Variants in SEMA3D observed in about 807,000 individuals in gnomAD.
SEMA3D encodes the protein semaphorin 3D, also known as semaphorin-3D.
SEMA3D carries 84 observed loss-of-function variants against 100.1 expected under a neutral mutation model. The observed-to-expected ratio is 0.84, with a 90% CI of 0.70 to 1.01. SEMA3D has a LOEUF of 1.01. Ranked by LOEUF, SEMA3D falls within the 50% of genes least tolerant of loss-of-function variation. The pLI is 0.00. For synonymous variants in SEMA3D, 312 were observed against 320.7 expected, an observed-to-expected ratio of 0.97 and a Z score of 0.29; for missense variants, 875 against 934.1, an observed-to-expected ratio of 0.94 and a Z score of 0.82.
chr7:85,225,177 T>G, the SEMA3D span, among the ~76,000 whole-genome samples: 1 of 141,314 alleles, frequency 7.1e-6, no homozygotes, highest in Admixed American at 7.4e-5. Context: ...ATATATAAAA[T>G]ACATATATAA....
Position 85,144,358 on chromosome 7 carries a change from AAATT to A in SEMA3D, c.-41+9246_-41+9249del, listed in dbSNP as rs1313215023. On this transcript the variant is annotated intron_variant, in intron 2 of 18. Transcript: ENST00000284136. The stretch of plus-strand genomic sequence containing the variant: ...GAATCGAGTATCATTTATTAAATTT[AAATT>A]AATTAAATTAAATAACATAAAAGTT... 28 of 514,568 alleles carry A rather than the reference AAATT, an allele frequency of 5.4e-5. No homozygotes were observed. The African/African-American group carries it at 5.8e-4, about 11-fold the overall frequency. The allele number at this position is 514,568 out of a possible 1,614,324, so 31.9% of individuals were successfully genotyped here. A position where few individuals can be genotyped will look rare whatever the true frequency, so the allele number is the denominator to read the frequency against.
chr7:85,001,651 C>A (rs1277547246), intron 18 of SEMA3D, among the ~76,000 whole-genome samples: 2 of 152,116 alleles, frequency 1.3e-5, no homozygotes, highest in African/African-American at 4.8e-5. Context: ...TATGATGACT[C>A]ATTTTTCTTC....
At chr7:85,046,394 C>A (rs1791009115) in intron 9 of SEMA3D, among the ~76,000 whole-genome samples, 1 of 151,912 alleles carries the variant, frequency 6.6e-6, no homozygotes, top group Non-Finnish European at 1.5e-5. Context: ...TTTCTTTTAA[C>A]CTGACCAAAA....
the SEMA3D span, among the ~76,000 whole-genome samples, chr7:85,240,740 T>A: frequency 1.3e-5 from 2 of 152,178 alleles, no homozygotes; most frequent in Non-Finnish European, 2.9e-5. Context: ...TTTCAAGGAA[T>A]TGATTCATTT....
the SEMA3D span, among the ~76,000 whole-genome samples, chr7:85,225,102 ATATACATACAT>A: frequency 1.6e-4 from 4 of 24,508 alleles, no homozygotes; most frequent in African/African-American, 4.4e-4. Context: ...ATATATATAT[ATATACATACAT>A]ATATACATAT....
intron 8 of SEMA3D, among the ~76,000 whole-genome samples, chr7:85,057,033 G>A (rs905781456): frequency 1.3e-5 from 2 of 151,478 alleles, no homozygotes; most frequent in Non-Finnish European, 2.9e-5. Context: ...ATATACAGGG[G>A]TTAATAGAAA....
chr7:85,202,536 C>T, the SEMA3D span, among the ~76,000 whole-genome samples: 4 of 152,036 alleles, frequency 2.6e-5, no homozygotes, highest in Admixed American at 2.6e-4. Flanking sequence ...AAAGAAACTA[C>T]CATCAGAGTG....
At chr7:85,243,287 C>G in the SEMA3D span, among the ~76,000 whole-genome samples, 1 of 151,914 alleles carries the variant, frequency 6.6e-6, no homozygotes, top group Admixed American at 6.6e-5. Flanking sequence ...TTTTTTTTCT[C>G]TGTTATTCTC....
chr7:85,150,236 T>C (rs1790329616), intron 2 of SEMA3D, among the ~76,000 whole-genome samples: 1 of 150,948 alleles, frequency 6.6e-6, no homozygotes, highest in Non-Finnish European at 1.5e-5. Flanking sequence ...GTCAGAATTC[T>C]TGGTATTTGT....
At chr7:85,100,181 A>T (rs1320534587) in intron 3 of SEMA3D, among the ~76,000 whole-genome samples, 1 of 152,042 alleles carries the variant, frequency 6.6e-6, no homozygotes, top group Non-Finnish European at 1.5e-5. Context: ...TTGAAATTAA[A>T]TTAATGCAAA....
the SEMA3D span, among the ~76,000 whole-genome samples, chr7:85,236,969 T>C: frequency 5.1e-4 from 78 of 152,208 alleles, no homozygotes; most frequent in Non-Finnish European, 8.2e-4. Flanking sequence ...CAGAGATTTG[T>C]TGTATTTTTT....
rs376067481 is a variant in SEMA3D, at chr7:85,034,734, G to A, written c.1191+2155C>T. On this transcript the variant is annotated intron_variant, in intron 12 of 18. Coordinates refer to ENST00000284136, the MANE Select transcript of SEMA3D (RefSeq NM_001384900.1). ...GAAAATTATTCATCACTAATCAACA[G>A]AGAAGTTGAAAACAAAACCACAATC... is the stretch of plus-strand genomic sequence containing the variant. Among the ~76,000 whole-genome samples, 5 of 152,226 alleles carry A rather than the reference G, an allele frequency of 3.3e-5. No individual in the cohort carries two copies. In the South Asian group the frequency reaches 1.0e-3, roughly 32 times the overall value.
At chr7:85,139,864 G>T (rs1212817388) in intron 2 of SEMA3D, among the ~76,000 whole-genome samples, 1 of 151,162 alleles carries the variant, frequency 6.6e-6, no homozygotes, top group Non-Finnish European at 1.5e-5. Flanking sequence ...TTAGACAAAT[G>T]ATAAATACTG....
chr7:85,138,635 A>G lies in SEMA3D; in HGVS notation c.-41+14973T>C, dbSNP rs569874762. 3.2e-3 allele frequency among the ~76,000 whole-genome samples: 424 copies of G among 133,612 alleles called. 3 individuals carry two copies. Among genetic ancestry groups the G allele is most frequent in the Non-Finnish European group, 5.2e-3 (335 of 64,592 alleles). The allele number at this position is 133,612 out of a possible 152,430, so 87.7% of individuals were successfully genotyped here. ...ATATATAATTTATAATATATAAATT[A>G]AATTATATATATTTAATTTAATATA... On this transcript the variant is annotated intron_variant, in intron 2 of 18. Transcript: ENST00000284136.
chr7:85,105,795 T>C (rs1788902588), intron 3 of SEMA3D, among the ~76,000 whole-genome samples: 1 of 152,060 alleles, frequency 6.6e-6, no homozygotes, highest in African/African-American at 2.4e-5. Context: ...ATAAAACAGA[T>C]GATATCACAT....
intron 9 of SEMA3D, among the ~76,000 whole-genome samples, chr7:85,048,823 A>G (rs1791079445): frequency 6.6e-6 from 1 of 151,898 alleles, no homozygotes; most frequent in Non-Finnish European, 1.5e-5. Flanking sequence ...GTTAAGTTGT[A>G]GAAACAAATG....
chr7:85,150,379 TAC>T (rs1160114354), intron 2 of SEMA3D, among the ~76,000 whole-genome samples: 9 of 141,452 alleles, frequency 6.4e-5, no homozygotes, highest in Admixed American at 2.9e-4. Context: ...TATATATATA[TAC>T]ACACACACAT....
intron 2 of SEMA3D, among the ~76,000 whole-genome samples, chr7:85,137,293 CAT>C (rs1789895431): frequency 6.6e-6 from 1 of 151,146 alleles, no homozygotes; most frequent in African/African-American, 2.4e-5. Context: ...ATATATATGA[CAT>C]AGATATGACA....
intron 2 of SEMA3D, among the ~76,000 whole-genome samples, chr7:85,146,550 T>C (rs1458637816): frequency 2.9e-5 from 4 of 136,752 alleles, no homozygotes; most frequent in Non-Finnish European, 4.8e-5. Flanking sequence ...TGAGACTCCA[T>C]CTAAAAAAAA....
Sources: gnomAD v4.1 joint callset for allele counts (sites outside exome capture counted in the v4.1 genomes callset) on GRCh38, gnomAD v4.1.1 for gene constraint, MANE v1.5 for transcripts, NCBI Gene and HGNC (gene_info 2026-07-23, HGNC 2026-07-21) for gene names.